ACSF3: variants seen among roughly 807,000 people sequenced by gnomAD.
ACSF3 encodes malonate--CoA ligase ACSF3, mitochondrial.
A neutral mutation model predicts 53.2 loss-of-function variants in ACSF3; 78 were observed. The observed-to-expected ratio is 1.47, with a 90% CI of 1.22 to 1.77. ACSF3 has a LOEUF of 1.77. Among genes scored for constraint, ACSF3 ranks in the 40% most tolerant of loss-of-function variants. The pLI is 0.00. For missense variants in ACSF3, 937 were observed against 771.1 expected, an observed-to-expected ratio of 1.22 and a Z score of -2.55; for synonymous variants, 414 against 333.1, an observed-to-expected ratio of 1.24 and a Z score of -2.65.
chr16:89,121,993 C>G (rs182637344), intron 7 of ACSF3, among the ~76,000 whole-genome samples: 1 of 151,990 alleles, frequency 6.6e-6, no homozygotes, highest in Non-Finnish European at 1.5e-5. Flanking sequence ...CTGGGCCCCC[C>G]GCAGTGGGCT....
rs140205833 is a variant in ACSF3 at position 89,100,148 on chromosome 16, C to G, written c.-20-514C>G. 2.6e-5 allele frequency among the ~76,000 whole-genome samples: 4 copies of G among 152,204 alleles called. No homozygotes were observed. The South Asian group carries it at 8.3e-4, about 32-fold the overall frequency. On this transcript the variant is annotated intron_variant, in intron 2 of 10. Coordinates refer to ENST00000614302, the MANE Select transcript of ACSF3 (RefSeq NM_001243279.3). ...ACAGCAAGACCCTGTCTCAAAAAAA[C>G]GAACCTTGGCACCTCACCACATTTC...
intron 10 of ACSF3, chr16:89,150,684 A>G (rs1913924623): frequency 3.3e-6 from 1 of 306,926 alleles, no homozygotes; most frequent in Non-Finnish European, 6.4e-6. Context: ...GAGGGACAGG[A>G]CTGGGCAGGG....
rs750513124 is a variant in ACSF3, at chr16:89,154,416, G to A, written c.*209G>A. 3.7e-4 allele frequency: 252 copies of A among 676,628 alleles called. 1 individual carries two copies. Among genetic ancestry groups the A allele is most frequent in the Admixed American group, 8.4e-4 (41 of 48,958 alleles). 41.9% of individuals were successfully genotyped at this position (676,628 alleles called of 1,614,324 possible). On this transcript the variant is annotated 3_prime_UTR_variant, in exon 11 of 11. Coordinates refer to ENST00000614302, the MANE Select transcript of ACSF3 (RefSeq NM_001243279.3). Reference sequence around the variant, plus strand: ...TTGCAGCTCAAGGAGACCGTCCCTGGTGTCACCTCTGCCTGGTCACCGCCG... The same window carrying A: ...TTGCAGCTCAAGGAGACCGTCCCTGATGTCACCTCTGCCTGGTCACCGCCG...
At chr16:89,103,567 G>C (rs914367546) in intron 4 of ACSF3, among the ~76,000 whole-genome samples, 1 of 152,234 alleles carries the variant, frequency 6.6e-6, no homozygotes, top group Admixed American at 6.5e-5. Flanking sequence ...GAGGTCCTTC[G>C]CTTCATCCAC....
chr16:89,139,612 G>A (rs1484567427), intron 8 of ACSF3, among the ~76,000 whole-genome samples: 4 of 107,202 alleles, frequency 3.7e-5, no homozygotes, highest in Admixed American at 1.2e-4. Flanking sequence ...TTTTTTTTTC[G>A]AGACAGAGTC....
At chr16:89,150,602 G>A in intron 10 of ACSF3, 1 of 232,096 alleles carries the variant, frequency 4.3e-6, no homozygotes, top group Non-Finnish European at 8.6e-6. Context: ...TATGACAGTG[G>A]CTGTGACAAG....
intron 7 of ACSF3, among the ~76,000 whole-genome samples, chr16:89,124,425 C>T (rs1907501257): frequency 6.6e-6 from 1 of 150,392 alleles, no homozygotes; most frequent in Admixed American, 6.6e-5. Flanking sequence ...CCCGTGCGTG[C>T]ACTGTGCGTA....
At chr16:89,106,835 A>G (rs1039894839) in intron 4 of ACSF3, among the ~76,000 whole-genome samples, 2 of 152,230 alleles carry the variant, frequency 1.3e-5, no homozygotes, top group African/African-American at 4.8e-5. Flanking sequence ...TCTTCAAGTC[A>G]TCCTGCACAG....
rs777100130 is a variant in ACSF3 at position 89,154,219 on chromosome 16, GGGACTGC to G, written c.*15_*21del. The G allele has an allele frequency of 1.4e-5, 23 of 1,610,566 alleles. No individual in the cohort carries two copies. In the African/African-American group the frequency reaches 2.8e-4, roughly 20 times the overall value. On this transcript the variant is annotated 3_prime_UTR_variant, in exon 11 of 11. Coordinates refer to ENST00000614302, the MANE Select transcript of ACSF3 (RefSeq NM_001243279.3). ...TCCACCCCTCATGACCCGGCAGACT[GGGACTGC>G]GGGTCTGGTGGGGAGCAGCAGACGT...
At chr16:89,122,652 T>A (rs1272163334) in intron 7 of ACSF3, 1 of 181,732 alleles carries the variant, frequency 5.5e-6, no homozygotes, top group African/African-American at 2.4e-5. Flanking sequence ...AGAACGTGAG[T>A]GGCGTGTGGA....
At position 89,154,593 on chromosome 16, in the gene ACSF3, C is replaced by T. The variant is rs1028594620; in HGVS notation, c.*386C>T. ...AGACTCCACTGGAGGAAACAAGCCC[C>T]TGTCCCACGCCGTCTGCACGTGCCT... On this transcript the variant is annotated 3_prime_UTR_variant, in exon 11 of 11. Coordinates refer to ENST00000614302, the MANE Select transcript of ACSF3 (RefSeq NM_001243279.3). 1 of 458,358 alleles carries T rather than the reference C, an allele frequency of 2.2e-6. No individual in the cohort carries two copies. The highest frequency in any genetic ancestry group is 1.6e-5 in the South Asian group (1 of 64,408). The allele number at this position is 458,358 out of a possible 1,614,324, so 28.4% of individuals were successfully genotyped here. A position where few individuals can be genotyped will look rare whatever the true frequency, so the allele number is the denominator to read the frequency against.
rs6500529 is a variant in ACSF3 at position 89,101,050 on chromosome 16, C to T, written c.369C>T (p.Val123=). The change falls in exon 3 of 11, where the codon GTC becomes GTT. Residue 123 remains valine (V), a synonymous_variant. Coordinates refer to ENST00000614302, the MANE Select transcript of ACSF3 (RefSeq NM_001243279.3). ...CATGGATGAGTGGCGGTGTGGCAGT[C>T]CCCCTCTACAGGAAGCATCCCGCGG... ...WASWMSGGVA[V]PLYRKHPAAQ... is the part of the protein sequence containing the mutation. The T allele has an allele frequency of 6.2e-7, 1 of 1,613,640 alleles. No individual in the cohort carries two copies. The highest frequency in any genetic ancestry group is 1.1e-5 in the South Asian group (1 of 91,058).
intron 10 of ACSF3, chr16:89,150,617 T>C (rs1192163906): frequency 8.1e-6 from 2 of 247,006 alleles, no homozygotes; most frequent in Non-Finnish European, 1.6e-5. Flanking sequence ...GACAAGACCC[T>C]AAGACGGGAA....
intron 10 of ACSF3, 78 bp downstream of exon 10, chr16:89,146,127 C>A: frequency 9.5e-7 from 1 of 1,058,006 alleles, no homozygotes; most frequent in Admixed American, 1.9e-5. Flanking sequence ...TAGGTATTGG[C>A]ATCGTCCGTC....
chr16:89,095,602 G>T (rs190601071), intron 1 of ACSF3, among the ~76,000 whole-genome samples: 3 of 146,288 alleles, frequency 2.1e-5, no homozygotes, highest in South Asian at 2.2e-4. Context: ...CAAGGTCTGG[G>T]GGGGCGGGGG....
chr16:89,124,921 T>C (rs1415887720), intron 7 of ACSF3, among the ~76,000 whole-genome samples: 1 of 152,256 alleles, frequency 6.6e-6, no homozygotes, highest in African/African-American at 2.4e-5. Flanking sequence ...TGATCTATGT[T>C]TCCATTCCTC....
intron 8 of ACSF3, among the ~76,000 whole-genome samples, chr16:89,143,158 G>A (rs543128548): frequency 2.0e-5 from 3 of 152,342 alleles, no homozygotes; most frequent in African/African-American, 7.2e-5. Context: ...GTTTCTCCCA[G>A]CATCAGCCTG....
intron 3 of ACSF3, chr16:89,102,343 G>C: frequency 1.9e-6 from 1 of 525,218 alleles, no homozygotes; most frequent in African/African-American, 1.9e-5. Context: ...GCCACTCCCC[G>C]ACCTTCTAAA....
rs79800328 is a variant in ACSF3 at position 89,154,280 on chromosome 16, C to T, written c.*73C>T. The T allele has an allele frequency of 4.7e-3, 6,606 of 1,395,340 alleles. 255 individuals carry two copies. The African/African-American group carries it at 0.085, about 18-fold the overall frequency. 86.4% of individuals were successfully genotyped at this position (1,395,340 alleles called of 1,614,324 possible). ...CTTCACACCGAGAACCACGGGGGCC[C>T]GTCCAAGACCTGGCCTCCCTTAAAC... On this transcript the variant is annotated 3_prime_UTR_variant, in exon 11 of 11. Coordinates refer to ENST00000614302, the MANE Select transcript of ACSF3 (RefSeq NM_001243279.3).
Sources: allele counts gnomAD v4.1 joint callset (sites outside exome capture counted in the v4.1 genomes callset), GRCh38; gene constraint gnomAD v4.1.1; transcripts MANE v1.5; gene names NCBI Gene and HGNC (gene_info 2026-07-23, HGNC 2026-07-21).